Variants in ARHGAP6 observed in about 807,000 individuals in gnomAD.
ARHGAP6 encodes the protein Rho GTPase activating protein 6.
A neutral mutation model predicts 55.7 loss-of-function variants in ARHGAP6; 16 were observed. That is an observed-to-expected ratio of 0.29 (90% CI 0.19 to 0.44). ARHGAP6 has a LOEUF of 0.44. Among genes scored for constraint, ARHGAP6 ranks in the 20% least tolerant of loss-of-function variants. ARHGAP6 has a pLI of 1.00. For missense variants in ARHGAP6, 698 were observed against 808.9 expected, an observed-to-expected ratio of 0.86 and a Z score of 1.66; for synonymous variants, 382 against 360.9, an observed-to-expected ratio of 1.06 and a Z score of -0.66.
chrX:11,476,215 T>G (rs2050402211), intron 1 of ARHGAP6, among the ~76,000 whole-genome samples: 1 of 110,885 alleles, frequency 9.0e-6, no homozygotes. Context: ...GGATGCAAGG[T>G]TAATATCCAA....
chrX:11,586,110 C>T (rs923075503), intron 1 of ARHGAP6, among the ~76,000 whole-genome samples: 1 of 111,455 alleles, frequency 9.0e-6, no homozygotes, highest in Non-Finnish European at 1.9e-5. Flanking sequence ...GGTCACAGAT[C>T]CAAACCATGT....
intron 9 of ARHGAP6, among the ~76,000 whole-genome samples, chrX:11,168,965 A>ATACTC (rs1254436880): frequency 2.7e-5 from 3 of 112,091 alleles, no homozygotes; most frequent in African/African-American, 6.5e-5. Flanking sequence ...AAATGCATTT[A>ATACTC]TACTCTACTA....
At chrX:11,322,676 A>C (rs1294782548) in intron 1 of ARHGAP6, among the ~76,000 whole-genome samples, 1 of 112,386 alleles carries the variant, frequency 8.9e-6, no homozygotes, top group African/African-American at 3.2e-5. Flanking sequence ...AAATAGGATA[A>C]AATTGTCCAC....
rs2049119229 is a variant in ARHGAP6 at position 11,369,390 on chromosome X, A to G, written c.589-114683T>C. Among the ~76,000 whole-genome samples the G allele has an allele frequency of 3.6e-5, 4 of 110,967 alleles. No individual in the cohort carries two copies. The South Asian group carries it at 1.5e-3, about 43-fold the overall frequency. ...GGCTCCTGATACTGTTGGGCTGAGG[A>G]CAGCACTTTGAGTAACAAGGGTCTC... is the stretch of plus-strand genomic sequence containing the variant. On this transcript the variant is annotated intron_variant, in intron 1 of 12. Coordinates refer to ENST00000337414, the MANE Select transcript of ARHGAP6 (RefSeq NM_013427.3).
intron 1 of ARHGAP6, among the ~76,000 whole-genome samples, chrX:11,299,497 G>A (rs1321339220): frequency 1.8e-5 from 2 of 111,830 alleles, no homozygotes; most frequent in African/African-American, 6.5e-5. Flanking sequence ...ACTTGGAGGC[G>A]GCTAAACTAA....
At chrX:11,189,457 C>T (rs768532067) in intron 3 of ARHGAP6, among the ~76,000 whole-genome samples, 23 of 112,126 alleles carry the variant, frequency 2.1e-4, no homozygotes, top group Non-Finnish European at 3.8e-4. Flanking sequence ...ATTTAGTTAA[C>T]TGAATACACT....
intron 2 of ARHGAP6, among the ~76,000 whole-genome samples, chrX:11,213,310 T>C (rs1182809528): frequency 8.9e-6 from 1 of 112,767 alleles, no homozygotes; most frequent in Non-Finnish European, 1.9e-5. Flanking sequence ...TTTTATGTTT[T>C]ATCTAAGAAA....
intron 1 of ARHGAP6, among the ~76,000 whole-genome samples, chrX:11,277,289 A>G (rs1021406022): frequency 9.9e-5 from 11 of 111,433 alleles, no homozygotes; most frequent in Admixed American, 1.9e-4. Flanking sequence ...GTTGATGGGC[A>G]TTTGGGTTCT....
At chrX:11,392,400 A>G (rs1207569457) in intron 1 of ARHGAP6, among the ~76,000 whole-genome samples, 2 of 111,505 alleles carry the variant, frequency 1.8e-5, no homozygotes, top group African/African-American at 6.5e-5. Context: ...TCACGAGTTA[A>G]TTAATCAATA....
At chrX:11,196,820 A>G (rs918010887) in intron 3 of ARHGAP6, 105 bp downstream of exon 3, 9 of 515,018 alleles carry the variant, frequency 1.7e-5, no homozygotes, top group Admixed American at 1.4e-4. Flanking sequence ...TCCAGTTTTC[A>G]TAACAGAGTT....
At chrX:11,521,887 T>C (rs1340146371) in intron 1 of ARHGAP6, among the ~76,000 whole-genome samples, 1 of 111,572 alleles carries the variant, frequency 9.0e-6, no homozygotes, top group Non-Finnish European at 1.9e-5. Context: ...CCTTGTAAGT[T>C]GGATTCCTAG....
rs553119403 is a variant in ARHGAP6 at position 11,536,643 on chromosome X, C to T, written c.588+127598G>A. On this transcript the variant is annotated intron_variant, in intron 1 of 12. Transcript: ENST00000337414. Reference sequence around the variant, plus strand: ...TGTGAACAATCACCATCAAGAGAGACGATAAAACCTTAATGAAAGTTGAAA... The same window carrying T: ...TGTGAACAATCACCATCAAGAGAGATGATAAAACCTTAATGAAAGTTGAAA... Among the ~76,000 whole-genome samples, 62 of 111,791 alleles carry T rather than the reference C, an allele frequency of 5.5e-4. 1 individual carries two copies. The South Asian group carries it at 0.018, about 33-fold the overall frequency.
chrX:11,624,615 C>T (rs1005031906), intron 1 of ARHGAP6, among the ~76,000 whole-genome samples: 2 of 112,426 alleles, frequency 1.8e-5, no homozygotes, highest in Non-Finnish European at 3.8e-5. Flanking sequence ...GTCGCCCAGG[C>T]CGGAGTGCTC....
intron 1 of ARHGAP6, among the ~76,000 whole-genome samples, chrX:11,275,692 G>C (rs184720437): frequency 1.8e-5 from 2 of 111,541 alleles, no homozygotes; most frequent in Non-Finnish European, 3.8e-5. Context: ...ACACAAGATC[G>C]CTCAAGATCT....
intron 1 of ARHGAP6, among the ~76,000 whole-genome samples, chrX:11,283,645 C>A (rs2047887834): frequency 1.8e-5 from 2 of 111,696 alleles, no homozygotes. Flanking sequence ...AATATCATCA[C>A]AGGAGCAACT....
intron 1 of ARHGAP6, among the ~76,000 whole-genome samples, chrX:11,497,836 G>C (rs1406104266): frequency 9.1e-6 from 1 of 110,055 alleles, no homozygotes; most frequent in Non-Finnish European, 1.9e-5. Flanking sequence ...CTAGAGTAAT[G>C]GTTCTCAACC....
At chrX:11,273,721 C>A (rs1158119089) in intron 1 of ARHGAP6, among the ~76,000 whole-genome samples, 3 of 110,516 alleles carry the variant, frequency 2.7e-5, no homozygotes, top group Non-Finnish European at 3.8e-5. Context: ...TTGTAGTCAC[C>A]ACAACTACTA....
chrX:11,249,881 G>A (rs1474073844), intron 2 of ARHGAP6, among the ~76,000 whole-genome samples: 2 of 110,975 alleles, frequency 1.8e-5, no homozygotes, highest in African/African-American at 3.3e-5. Flanking sequence ...CTTCCCTAGT[G>A]TAAAAAAATA....
At chrX:11,203,541 AACATTAATAGC>A (rs1165461402) in intron 2 of ARHGAP6, among the ~76,000 whole-genome samples, 1 of 111,889 alleles carries the variant, frequency 8.9e-6, no homozygotes, top group Non-Finnish European at 1.9e-5. Context: ...CCTCTGTAAT[AACATTAATAGC>A]ACCTCTTCAC....
Sources: allele counts gnomAD v4.1 joint callset (sites outside exome capture counted in the v4.1 genomes callset), GRCh38; gene constraint gnomAD v4.1.1; transcripts MANE v1.5; gene names NCBI Gene and HGNC (gene_info 2026-07-23, HGNC 2026-07-21).